PHF24: variants seen among roughly 807,000 people sequenced by gnomAD.
PHF24 encodes Galpha inhibitory interacting protein.
A neutral mutation model predicts 42.6 loss-of-function variants in PHF24; 25 were observed. That is an observed-to-expected ratio of 0.59 (90% confidence interval 0.43 to 0.82). PHF24 has a LOEUF of 0.82. Ranked by LOEUF, PHF24 falls within the 40% of genes least tolerant of loss-of-function variation. The probability of loss-of-function intolerance (pLI) is 0.00; values close to 1 mark genes in which losing one functional copy is unlikely to be tolerated. For missense variants in PHF24, 470 were observed against 538.1 expected, an observed-to-expected ratio of 0.87 and a Z score of 1.25; for synonymous variants, 185 against 204.8, an observed-to-expected ratio of 0.90 and a Z score of 0.83.
At chr9:34,939,133 C>G in the PHF24 span, among the ~76,000 whole-genome samples, 1 of 150,768 alleles carries the variant, frequency 6.6e-6, no homozygotes, top group African/African-American at 2.4e-5. Flanking sequence ...ATACAAAACT[C>G]ACCGGCCGTG....
chr9:34,679,843 C>T, the PHF24 span, among the ~76,000 whole-genome samples: 79 of 152,320 alleles, frequency 5.2e-4, no homozygotes, highest in African/African-American at 1.7e-3. Context: ...CTCTGAGCCT[C>T]AGATGAGATT....
chr9:34,733,521 C>T, the PHF24 span, among the ~76,000 whole-genome samples: 2 of 145,714 alleles, frequency 1.4e-5, no homozygotes, highest in African/African-American at 2.5e-5. Flanking sequence ...TTTTTTGAGA[C>T]GGAGTCTCAC....
the PHF24 span, chr9:34,835,629 C>A: frequency 2.6e-6 from 4 of 1,551,588 alleles, no homozygotes; most frequent in Admixed American, 7.8e-5. Context: ...GCTTGTCAAG[C>A]CTTGAAGAAG....
chr9:34,828,476 C>T, the PHF24 span, among the ~76,000 whole-genome samples: 2 of 152,136 alleles, frequency 1.3e-5, no homozygotes, highest in African/African-American at 4.8e-5. Context: ...TCTCTTTCTG[C>T]TATTTCCTCA....
chr9:34,902,208 A>G, the PHF24 span, among the ~76,000 whole-genome samples: 1 of 152,218 alleles, frequency 6.6e-6, no homozygotes, highest in African/African-American at 2.4e-5. Context: ...AAAATATGTT[A>G]CTATGATTGT....
the PHF24 span, among the ~76,000 whole-genome samples, chr9:34,769,895 T>G: frequency 6.6e-6 from 1 of 152,304 alleles, no homozygotes; most frequent in South Asian, 2.1e-4. Context: ...ATCATATACT[T>G]GGGTTAACTT....
At chr9:34,798,778 A>G in the PHF24 span, among the ~76,000 whole-genome samples, 3 of 151,530 alleles carry the variant, frequency 2.0e-5, no homozygotes, top group South Asian at 4.2e-4. Context: ...TTAGTTGAGA[A>G]CTCTCTTCTT....
the PHF24 span, among the ~76,000 whole-genome samples, chr9:34,893,383 C>T: frequency 2.5e-4 from 38 of 152,028 alleles, no homozygotes; most frequent in Non-Finnish European, 5.1e-4. Flanking sequence ...GATGGATCAC[C>T]TGAGGTCAGG....
At chr9:34,820,584 C>T in the PHF24 span, among the ~76,000 whole-genome samples, 3 of 152,074 alleles carry the variant, frequency 2.0e-5, no homozygotes, top group Non-Finnish European at 2.9e-5. Context: ...TTTATGGCTG[C>T]GTAGTATTCC....
the PHF24 span, among the ~76,000 whole-genome samples, chr9:34,900,922 C>T: frequency 6.6e-6 from 1 of 152,178 alleles, no homozygotes; most frequent in Admixed American, 6.5e-5. Flanking sequence ...AGAATAAATT[C>T]TCTCTTTATA....
chr9:34,838,182 G>A, the PHF24 span, among the ~76,000 whole-genome samples: 1 of 152,186 alleles, frequency 6.6e-6, no homozygotes, highest in African/African-American at 2.4e-5. Flanking sequence ...ACCTGGTAAG[G>A]AATTACTTTT....
chr9:34,691,116 G>A, the PHF24 span: 1 of 1,613,084 alleles, frequency 6.2e-7, no homozygotes, highest in Non-Finnish European at 8.5e-7. Flanking sequence ...GAACCAGCAG[G>A]CTGAGGGCCA....
In PHF24 at chr9:34,976,103, T is replaced by C. The variant is rs1216798460; in HGVS notation, c.565-49T>C. The C allele has an allele frequency of 2.2e-6, 3 of 1,381,020 alleles. No individual in the cohort carries two copies. The South Asian group carries it at 3.5e-5, about 16-fold the overall frequency. 85.5% of individuals were successfully genotyped at this position (1,381,020 alleles called of 1,614,324 possible). ...ATTTCTAGCCCCCTTGACCCTGGCC[T>C]TTCTTACTGGCCTGTATGGCCACCG... is the stretch of plus-strand genomic sequence containing the variant. On this transcript the variant is annotated intron_variant, in intron 3 of 7. Coordinates refer to ENST00000242315, the Ensembl canonical transcript of PHF24.
At chr9:34,827,918 G>C in the PHF24 span, among the ~76,000 whole-genome samples, 6 of 152,086 alleles carry the variant, frequency 3.9e-5, no homozygotes, top group South Asian at 1.2e-3. Context: ...TGCATTTAGA[G>C]CTTTTTCTGT....
the PHF24 span, chr9:34,690,468 G>GTGTA: frequency 1.1e-6 from 1 of 881,380 alleles, no homozygotes; most frequent in East Asian, 2.7e-5. Context: ...GTGTGTGTGT[G>GTGTA]TCTGGTGGGG....
the PHF24 span, among the ~76,000 whole-genome samples, chr9:34,851,617 G>A: frequency 2.0e-5 from 3 of 151,962 alleles, no homozygotes; most frequent in African/African-American, 4.8e-5. Context: ...ACTGTCCTGC[G>A]CCCACTCTCT....
At chr9:34,713,787 C>A in the PHF24 span, among the ~76,000 whole-genome samples, 2 of 152,136 alleles carry the variant, frequency 1.3e-5, no homozygotes, top group Non-Finnish European at 2.9e-5. Flanking sequence ...ATCCTCACGT[C>A]AGAGCTGGAG....
the PHF24 span, among the ~76,000 whole-genome samples, chr9:34,944,719 T>C: frequency 6.6e-6 from 1 of 151,970 alleles, no homozygotes; most frequent in Non-Finnish European, 1.5e-5. Context: ...TATTTAAATG[T>C]CTCTGGATTA....
At chr9:34,875,641 C>T in the PHF24 span, among the ~76,000 whole-genome samples, 11 of 152,072 alleles carry the variant, frequency 7.2e-5, no homozygotes, top group South Asian at 6.2e-4. Flanking sequence ...AAAAACATAC[C>T]GTGAAAGATT....
Sources: gnomAD v4.1 joint callset for allele counts (sites outside exome capture counted in the v4.1 genomes callset) on GRCh38, gnomAD v4.1.1 for gene constraint, MANE v1.5 for transcripts, NCBI Gene and HGNC (gene_info 2026-07-23, HGNC 2026-07-21) for gene names.